The following ATG7 variants were observed in gnomAD, a reference collection of about 807,000 sequenced individuals.
ATG7 encodes the protein ubiquitin-like modifier-activating enzyme ATG7.
Under a neutral mutation model 82.4 loss-of-function variants are expected in ATG7, and 70 were observed. That is an observed-to-expected ratio of 0.85 (90% CI 0.70 to 1.04). The LOEUF is 1.04. Among genes scored for constraint, ATG7 ranks in the 50% least tolerant of loss-of-function variants. The probability of loss-of-function intolerance (pLI) is 0.00; values close to 1 mark genes in which losing one functional copy is unlikely to be tolerated. For missense variants in ATG7, 792 were observed against 864.3 expected, an observed-to-expected ratio of 0.92 and a Z score of 1.05; for synonymous variants, 287 against 313.0, an observed-to-expected ratio of 0.92 and a Z score of 0.88.
chr3:11,532,698 A>G (rs527935297), intron 20 of ATG7, among the ~76,000 whole-genome samples: 2 of 152,280 alleles, frequency 1.3e-5, no homozygotes, highest in East Asian at 1.9e-4. Flanking sequence ...ACTCCAGTCT[A>G]GGTGACAGAG....
At chr3:11,388,447 T>TA (rs2078487412) in intron 19 of ATG7, among the ~76,000 whole-genome samples, 1 of 151,582 alleles carries the variant, frequency 6.6e-6, no homozygotes, top group Non-Finnish European at 1.5e-5. Context: ...TTTTTTTTTT[T>TA]TTAAGGAGTC....
At chr3:11,565,930 C>T in the ATG7 span, among the ~76,000 whole-genome samples, 1 of 152,196 alleles carries the variant, frequency 6.6e-6, no homozygotes, top group Non-Finnish European at 1.5e-5. This position sits in a 1 kb window ranked among gnomAD's most constrained non-coding sequence, Gnocchi z 4.1. Flanking sequence ...CCCTTCAATC[C>T]ACCATATTAT....
At chr3:11,453,893 T>C (rs1006810317) in intron 20 of ATG7, among the ~76,000 whole-genome samples, 1 of 152,150 alleles carries the variant, frequency 6.6e-6, no homozygotes, top group Non-Finnish European at 1.5e-5. Context: ...GACTGCTCCA[T>C]CTTAAAGGTT....
the ATG7 span, among the ~76,000 whole-genome samples, chr3:11,572,126 T>C: frequency 6.6e-6 from 1 of 152,050 alleles, no homozygotes; most frequent in Non-Finnish European, 1.5e-5. Context: ...AGTTGGGGAA[T>C]CTCTGAGTAA....
At chr3:11,348,216 C>A in intron 14 of ATG7, 181 bp downstream of exon 14, 2 of 818,094 alleles carry the variant, frequency 2.4e-6, no homozygotes, top group Non-Finnish European at 3.7e-6. Context: ...ACAACCAGGT[C>A]AGGCATGGTG....
At chr3:11,295,060 C>T (rs1335724206) in intron 3 of ATG7, among the ~76,000 whole-genome samples, 4 of 152,172 alleles carry the variant, frequency 2.6e-5, no homozygotes, top group East Asian at 1.9e-4. Context: ...TGCAGTGAGC[C>T]GAGACTGTGG....
At chr3:11,289,657 G>A (rs1241350392) in intron 3 of ATG7, among the ~76,000 whole-genome samples, 2 of 152,104 alleles carry the variant, frequency 1.3e-5, no homozygotes, top group African/African-American at 4.8e-5. Flanking sequence ...TGGTGGGCTC[G>A]AGCTATCTTC....
chr3:11,545,985 A>G (rs1284310601), intron 20 of ATG7, among the ~76,000 whole-genome samples: 2 of 152,046 alleles, frequency 1.3e-5, no homozygotes, highest in Admixed American at 6.6e-5. Context: ...CAAAATATAA[A>G]AAATTAGCTG....
intron 1 of ATG7, among the ~76,000 whole-genome samples, chr3:11,277,900 C>CT (rs199666239): frequency 7.4e-6 from 1 of 134,440 alleles, no homozygotes; most frequent in Non-Finnish European, 1.6e-5. Context: ...GACCCCCCCC[C>CT]CCCCACCAGG....
At chr3:11,515,902 C>G (rs1207877770) in intron 20 of ATG7, among the ~76,000 whole-genome samples, 1 of 152,050 alleles carries the variant, frequency 6.6e-6, no homozygotes, top group Non-Finnish European at 1.5e-5. Context: ...GCATGAGACA[C>G]TGCTGGCCAC....
chr3:11,564,226 G>C, the ATG7 span, among the ~76,000 whole-genome samples: 1 of 152,170 alleles, frequency 6.6e-6, no homozygotes, highest in African/African-American at 2.4e-5. Flanking sequence ...TGTTTATTAA[G>C]CAATCATTTA....
chr3:11,272,647 T>C (rs1940706112), intron 1 of ATG7: 1 of 152,304 alleles, frequency 6.6e-6, no homozygotes, highest in Non-Finnish European at 1.5e-5. Context: ...ACTGGTTCAG[T>C]CCGGGGTCTT....
chr3:11,418,553 C>T (rs2081630380), intron 19 of ATG7, among the ~76,000 whole-genome samples: 1 of 152,152 alleles, frequency 6.6e-6, no homozygotes, highest in South Asian at 2.1e-4. Flanking sequence ...TAACTAGGTC[C>T]CCCTGGAGTT....
chr3:11,421,311 G>A (rs528110619), intron 19 of ATG7, among the ~76,000 whole-genome samples: 4 of 152,176 alleles, frequency 2.6e-5, no homozygotes, highest in Admixed American at 6.5e-5. Flanking sequence ...ACAGCAGAAC[G>A]TCTTTAAAAA....
chr3:11,569,857 G>A, the ATG7 span, among the ~76,000 whole-genome samples: 1 of 152,102 alleles, frequency 6.6e-6, no homozygotes, highest in Non-Finnish European at 1.5e-5. Flanking sequence ...CTTTAGCCTG[G>A]GTGACAGAGC....
chr3:11,297,220 C>T lies in ATG7; in HGVS notation c.-10-1466C>T, dbSNP rs75929295. On this transcript the variant is annotated intron_variant, in intron 3 of 20. Transcript: ENST00000693202. ...AAAATACAGAAAAATTAGCCAGTCA[C>T]GGTAGCCCATGCCTGTAGTCTCAGC... Among the ~76,000 whole-genome samples, 659 of 152,134 alleles carry T rather than the reference C, an allele frequency of 4.3e-3. 6 individuals are homozygous for T. The highest frequency in any genetic ancestry group is 0.015 in the African/African-American group (625 of 41,500).
chr3:11,536,013 C>T (rs919384068), intron 20 of ATG7, among the ~76,000 whole-genome samples: 4 of 152,224 alleles, frequency 2.6e-5, no homozygotes, highest in Non-Finnish European at 5.9e-5. Context: ...AGGAGCCCCC[C>T]AACTGCTGGG....
At chr3:11,451,785 C>CAA (rs376573903) in intron 20 of ATG7, among the ~76,000 whole-genome samples, 3,274 of 129,464 alleles carry the variant, frequency 0.025, 74 homozygotes, top group African/African-American at 0.048. Flanking sequence ...TTTATAGTCT[C>CAA]AAAAAAAAAA....
chr3:11,378,375 A>G lies in ATG7; in HGVS notation c.1876-1597A>G, dbSNP rs114141670. Among the ~76,000 whole-genome samples the G allele has an allele frequency of 3.1e-3, 467 of 150,546 alleles. 4 individuals carry two copies. The highest frequency in any genetic ancestry group is 0.011 in the African/African-American group (452 of 41,040). On this transcript the variant is annotated intron_variant, in intron 18 of 20. Transcript: ENST00000693202. ...TGTTTTTTAATGCAATCCGAGATCA[A>G]GTGTTTGATAGAAATGATAAATTCG...
Sources: gnomAD v4.1 joint callset for allele counts (sites outside exome capture counted in the v4.1 genomes callset) on GRCh38, gnomAD v4.1.1 for gene constraint, Gnocchi (gnomAD v3.1) non-coding constraint, MANE v1.5 for transcripts, NCBI Gene and HGNC (gene_info 2026-07-23, HGNC 2026-07-21) for gene names.